SLC24A3: variants seen among roughly 807,000 people sequenced by gnomAD.
The protein encoded by SLC24A3 is sodium/potassium/calcium exchanger 3.
A neutral mutation model predicts 75.8 loss-of-function variants in SLC24A3; 28 were observed. The ratio of observed to expected loss-of-function variants is 0.37; its 90% CI spans 0.27 to 0.51. The LOEUF (loss-of-function observed/expected upper bound fraction) is 0.51. Among genes scored for constraint, SLC24A3 ranks in the 20% least tolerant of loss-of-function variants. SLC24A3 has a pLI of 0.94. For synonymous variants in SLC24A3, 372 were observed against 334.1 expected, an observed-to-expected ratio of 1.11 and a Z score of -1.24; for missense variants, 663 against 847.8, an observed-to-expected ratio of 0.78 and a Z score of 2.71.
intron 2 of SLC24A3, among the ~76,000 whole-genome samples, chr20:19,422,023 G>T (rs1219877951): frequency 6.6e-6 from 1 of 152,222 alleles, no homozygotes; most frequent in Admixed American, 6.5e-5. Context: ...GTCCCATCCG[G>T]GACAAAGAAG....
chr20:19,580,443 T>C (rs2031202959), intron 4 of SLC24A3, among the ~76,000 whole-genome samples: 1 of 152,138 alleles, frequency 6.6e-6, no homozygotes, highest in Non-Finnish European at 1.5e-5. Flanking sequence ...TCTGCCTCCA[T>C]AACTCTCCTT....
chr20:19,684,213 C>G lies in SLC24A3; in HGVS notation c.939C>G (p.Asp313Glu). The change falls in exon 11 of 17, where the codon GAC (aspartate) becomes GAG (glutamate). Residue 313 changes from aspartate (D) to glutamate (E), a missense_variant. Physicochemically the swap from Asp to Glu is conservative, Grantham distance 45. Coordinates refer to ENST00000328041, the MANE Select transcript of SLC24A3 (RefSeq NM_020689.4). ...FHRKASVIMV[D>E]ELLSAYPHQL... ...GCAAAGCATCAGTGATCATGGTAGA[C>G]GAGCTGCTGTCAGCCTACCCACACC... The G allele has an allele frequency of 6.2e-7, 1 of 1,614,126 alleles. No individual in the cohort carries two copies.
Position 19,427,082 on chromosome 20 carries a change from C to T in SLC24A3, c.272-88406C>T, listed in dbSNP as rs187304833. Among the ~76,000 whole-genome samples, 37 of 151,766 alleles carry T rather than the reference C, an allele frequency of 2.4e-4. No homozygotes were observed. The East Asian group carries it at 2.9e-3, about 12-fold the overall frequency. On this transcript the variant is annotated intron_variant, in intron 2 of 16. Transcript: ENST00000328041. ...GTGTGTGTGTGCATGTGTGTGTGTG[C>T]GTGTGTCTCTGTGTGCATGTGTATG...
At chr20:19,351,568 T>G (rs1173804458) in intron 2 of SLC24A3, among the ~76,000 whole-genome samples, 6 of 152,168 alleles carry the variant, frequency 3.9e-5, no homozygotes, top group Non-Finnish European at 8.8e-5. Context: ...TGGGCCCTTG[T>G]GTGTCCAACA....
chr20:19,619,913 G>T (rs988599839), intron 6 of SLC24A3, among the ~76,000 whole-genome samples: 3 of 152,156 alleles, frequency 2.0e-5, no homozygotes, highest in African/African-American at 4.8e-5. Flanking sequence ...TGAGGGGAAA[G>T]TTTATCAAGA....
intron 7 of SLC24A3, among the ~76,000 whole-genome samples, chr20:19,661,996 G>A (rs749215581): frequency 2.0e-5 from 3 of 152,218 alleles, no homozygotes; most frequent in Non-Finnish European, 4.4e-5. Flanking sequence ...TTTCTCTGAA[G>A]CCTGGAGGAA....
At chr20:19,346,664 G>T (rs896012506) in intron 2 of SLC24A3, among the ~76,000 whole-genome samples, 8 of 152,116 alleles carry the variant, frequency 5.3e-5, no homozygotes, top group Admixed American at 4.6e-4. Flanking sequence ...GCATAAGAAT[G>T]ATACATTGGA....
At chr20:19,540,064 C>T (rs936996683) in intron 3 of SLC24A3, among the ~76,000 whole-genome samples, 3 of 152,132 alleles carry the variant, frequency 2.0e-5, no homozygotes, top group African/African-American at 7.2e-5. Context: ...TTCTGTGGTT[C>T]ACTTGGCGGG....
At chr20:19,651,371 T>TTATATATATA (rs201410584) in intron 6 of SLC24A3, among the ~76,000 whole-genome samples, 1 of 105,928 alleles carries the variant, frequency 9.4e-6, no homozygotes, top group Non-Finnish European at 2.4e-5. Flanking sequence ...CTGGTTTTTA[T>TTATATATATA]TATATATATA....
At chr20:19,683,272 G>A (rs767821707) in intron 10 of SLC24A3, among the ~76,000 whole-genome samples, 2 of 152,162 alleles carry the variant, frequency 1.3e-5, no homozygotes, top group African/African-American at 4.8e-5. Flanking sequence ...ATATGCTAAA[G>A]AGAGCTACCT....
chr20:19,268,652 C>G (rs1210336932), intron 1 of SLC24A3, among the ~76,000 whole-genome samples: 3 of 152,178 alleles, frequency 2.0e-5, no homozygotes, highest in African/African-American at 7.2e-5. Flanking sequence ...TATCATAAGT[C>G]CATGTATCTT....
rs552056101 is a variant in SLC24A3 at position 19,370,422 on chromosome 20, G to T, written c.271+89335G>T. Among the ~76,000 whole-genome samples the T allele has an allele frequency of 7.2e-5, 11 of 152,362 alleles. No individual in the cohort carries two copies. In the South Asian group the frequency reaches 2.3e-3, roughly 32 times the overall value. ...AGGGAGAAGCAGATGACCCAGGTCAGAACTTTCAGGCACCCACAGCCTCTA... is the reference window on the plus strand; with the variant it reads ...AGGGAGAAGCAGATGACCCAGGTCATAACTTTCAGGCACCCACAGCCTCTA... On this transcript the variant is annotated intron_variant, in intron 2 of 16. Coordinates refer to ENST00000328041, the MANE Select transcript of SLC24A3 (RefSeq NM_020689.4).
chr20:19,358,592 C>T lies in SLC24A3; in HGVS notation c.271+77505C>T, dbSNP rs554674734. 3.9e-5 allele frequency among the ~76,000 whole-genome samples: 6 copies of T among 152,296 alleles called. No homozygotes were observed. In the East Asian group the frequency reaches 1.2e-3, roughly 29 times the overall value. ...AGAAATCCAAAGGTGTCCAGTTTCACAGACTTATATCTTCCTTTTAAGAAA... is the reference window on the plus strand; with the variant it reads ...AGAAATCCAAAGGTGTCCAGTTTCATAGACTTATATCTTCCTTTTAAGAAA... On this transcript the variant is annotated intron_variant, in intron 2 of 16. Transcript: ENST00000328041.
At chr20:19,342,376 C>T (rs1568594578) in intron 2 of SLC24A3, among the ~76,000 whole-genome samples, 1 of 152,332 alleles carries the variant, frequency 6.6e-6, no homozygotes, top group East Asian at 1.9e-4. Context: ...CTATACTCTG[C>T]CAGTGTTCCA....
In SLC24A3 at chr20:19,212,973, G is replaced by T. The variant is rs756342582; in HGVS notation, c.131G>T (p.Arg44Leu). ...ALLLWSLSSL[R>L]EQKELDLMDL... ...CTGCTCTGGTCGCTGTCGAGCCTGC[G>T]AGAGCAGAAGGGTGAGTGCACGCTG... The change falls in exon 1 of 17, where the codon CGA becomes CTA. Residue 44 changes from arginine to leucine, a missense_variant. This residue lies in a region of SLC24A3 where 153 missense variants were observed against 144.2 expected (regional missense o/e 1.06). Coordinates refer to ENST00000328041, the MANE Select transcript of SLC24A3 (RefSeq NM_020689.4). 41 of 1,298,170 alleles carry T rather than the reference G, an allele frequency of 3.2e-5. No homozygotes were observed. The highest frequency in any genetic ancestry group is 1.6e-4 in the Admixed American group (5 of 31,564). The allele number at this position is 1,298,170 out of a possible 1,614,324, so 80.4% of individuals were successfully genotyped here.
At chr20:19,557,468 C>T (rs2030806633) in intron 3 of SLC24A3, among the ~76,000 whole-genome samples, 1 of 152,106 alleles carries the variant, frequency 6.6e-6, no homozygotes, top group African/African-American at 2.4e-5. Context: ...GCAAGCTAAC[C>T]CCTATGTCCA....
intron 15 of SLC24A3, among the ~76,000 whole-genome samples, chr20:19,702,628 A>G (rs1013964940): frequency 1.8e-4 from 28 of 152,244 alleles, no homozygotes; most frequent in Non-Finnish European, 5.9e-5. Context: ...AGTGCAAAAA[A>G]AAAAAAAATC....
At chr20:19,612,178 G>A (rs1186333248) in intron 6 of SLC24A3, among the ~76,000 whole-genome samples, 3 of 152,174 alleles carry the variant, frequency 2.0e-5, no homozygotes, top group Admixed American at 2.0e-4. Context: ...TAAGTAAATG[G>A]TGTCTCCATC....
chr20:19,500,127 G>A (rs542819298), intron 2 of SLC24A3, among the ~76,000 whole-genome samples: 1 of 152,294 alleles, frequency 6.6e-6, no homozygotes, highest in African/African-American at 2.4e-5. Context: ...GATGCAAGTG[G>A]GATCAGAGTC....
Sources: allele counts gnomAD v4.1 joint callset (sites outside exome capture counted in the v4.1 genomes callset), GRCh38; gene constraint gnomAD v4.1.1; regional missense constraint gnomAD v4.1.1; transcripts MANE v1.5; gene names NCBI Gene and HGNC (gene_info 2026-07-23, HGNC 2026-07-21).